The following ZNF423 variants were observed in gnomAD, a reference collection of about 807,000 sequenced individuals.
The protein encoded by ZNF423 is zinc finger protein 423.
Under a neutral mutation model 95.8 loss-of-function variants are expected in ZNF423, and 12 were observed. The ratio of observed to expected loss-of-function variants is 0.13; its 90% CI spans 0.08 to 0.20. The LOEUF is 0.20. Among genes scored for constraint, ZNF423 ranks in the 10% least tolerant of loss-of-function variants. ZNF423 has a pLI of 1.00. For synonymous variants in ZNF423, 749 were observed against 711.9 expected (o/e 1.05, Z -0.83); for missense variants, 1,316 against 1,737.1 (o/e 0.76, Z 4.31).
intron 2 of ZNF423, among the ~76,000 whole-genome samples, chr16:49,787,964 T>A (rs993880104): frequency 2.6e-5 from 4 of 152,228 alleles, no homozygotes; most frequent in African/African-American, 9.6e-5. Context: ...CGGCGCCTTA[T>A]GGCCTTGCTG....
chr16:49,547,473 T>C (rs1033482561), intron 5 of ZNF423, among the ~76,000 whole-genome samples: 5 of 152,182 alleles, frequency 3.3e-5, no homozygotes, highest in Non-Finnish European at 5.9e-5. Flanking sequence ...AGAAAAAAGA[T>C]GAAACCTGAA....
intron 2 of ZNF423, among the ~76,000 whole-genome samples, chr16:49,743,038 G>A (rs1157667279): frequency 6.6e-6 from 1 of 152,110 alleles, no homozygotes; most frequent in Non-Finnish European, 1.5e-5. Context: ...CCACAGAGAA[G>A]CAATTTTAAA....
chr16:49,565,905 G>A (rs1360622077), intron 5 of ZNF423, among the ~76,000 whole-genome samples: 1 of 151,906 alleles, frequency 6.6e-6, no homozygotes, highest in African/African-American at 2.4e-5. Context: ...GTTAAGAAAG[G>A]GAGAGGAAGG....
At chr16:49,523,768 A>T (rs1968497077) in intron 6 of ZNF423, 29 bp from the exon 7 acceptor site, 1 of 1,592,138 alleles carries the variant, frequency 6.3e-7, no homozygotes, top group African/African-American at 1.3e-5. Flanking sequence ...GTCAGGGCCA[A>T]GCTCAGGACA....
intron 3 of ZNF423, among the ~76,000 whole-genome samples, chr16:49,662,320 G>T (rs1391145900): frequency 2.0e-5 from 3 of 152,138 alleles, no homozygotes; most frequent in Non-Finnish European, 4.4e-5. Flanking sequence ...AGGAAGAAAT[G>T]ATCTCCTGAT....
intron 3 of ZNF423, among the ~76,000 whole-genome samples, chr16:49,689,445 C>A (rs573552080): frequency 2.6e-5 from 4 of 152,048 alleles, no homozygotes; most frequent in South Asian, 2.1e-4. Flanking sequence ...GAGAGAGAGA[C>A]CCTGCCTCAA....
At chr16:49,778,264 G>T (rs972837123) in intron 2 of ZNF423, among the ~76,000 whole-genome samples, 3 of 152,242 alleles carry the variant, frequency 2.0e-5, no homozygotes, top group Admixed American at 1.3e-4. Flanking sequence ...CAGCTGACAT[G>T]ACAGCAGCCT....
At chr16:49,596,557 G>A (rs1349091119) in intron 5 of ZNF423, among the ~76,000 whole-genome samples, 1 of 152,176 alleles carries the variant, frequency 6.6e-6, no homozygotes. Flanking sequence ...ATTGAGAGCA[G>A]GCGATTTTTC....
intron 1 of ZNF423, among the ~76,000 whole-genome samples, chr16:49,819,524 T>C (rs956090751): frequency 6.6e-6 from 1 of 151,966 alleles, no homozygotes; most frequent in Non-Finnish European, 1.5e-5. Flanking sequence ...CTCAGCTCAC[T>C]GCAACCTCCG....
chr16:49,617,394 A>G (rs751260709), intron 5 of ZNF423, among the ~76,000 whole-genome samples: 10 of 152,214 alleles, frequency 6.6e-5, no homozygotes, highest in Non-Finnish European at 1.3e-4. Context: ...GAAATTGCCC[A>G]TGCATCAGCT....
At chr16:49,837,747 C>T (rs574156750) in intron 1 of ZNF423, among the ~76,000 whole-genome samples, 147 of 152,328 alleles carry the variant, frequency 9.7e-4, no homozygotes, top group African/African-American at 3.5e-3. Context: ...CCTCCTTCCC[C>T]ACATGGGGCG....
At chr16:49,491,542 C>A (rs1039673467) in intron 7 of ZNF423, among the ~76,000 whole-genome samples, 2 of 111,242 alleles carry the variant, frequency 1.8e-5, no homozygotes, top group Non-Finnish European at 3.5e-5. Context: ...TGTTTTTTGG[C>A]TTTTTTTTTT....
intron 3 of ZNF423, among the ~76,000 whole-genome samples, chr16:49,682,559 C>A (rs1215023858): frequency 1.3e-5 from 2 of 152,196 alleles, no homozygotes; most frequent in Non-Finnish European, 2.9e-5. Context: ...TTGCATCTGG[C>A]CTGAACAGAA....
chr16:49,715,451 A>T (rs2032676545), intron 3 of ZNF423, among the ~76,000 whole-genome samples: 1 of 152,182 alleles, frequency 6.6e-6, no homozygotes, highest in Admixed American at 6.5e-5. Flanking sequence ...GCTCAAGAGG[A>T]GGAACTGAGG....
chr16:49,495,698 C>G (rs958471330), intron 7 of ZNF423, among the ~76,000 whole-genome samples: 3 of 152,168 alleles, frequency 2.0e-5, no homozygotes, highest in African/African-American at 7.2e-5. Context: ...CCGCCACACA[C>G]TAGAGGGAAT....
chr16:49,766,212 A>G (rs1159736862), intron 2 of ZNF423, among the ~76,000 whole-genome samples: 1 of 152,244 alleles, frequency 6.6e-6, no homozygotes. Flanking sequence ...CATAGGACCA[A>G]ATGCAATTCA....
At chr16:49,694,954 G>A (rs2031913137) in intron 3 of ZNF423, among the ~76,000 whole-genome samples, 1 of 152,222 alleles carries the variant, frequency 6.6e-6, no homozygotes, top group African/African-American at 2.4e-5. Flanking sequence ...ACCTAGTGAA[G>A]ACGTGAGAGT....
chr16:49,548,749 G>T (rs112209705), intron 5 of ZNF423, among the ~76,000 whole-genome samples: 1 of 152,186 alleles, frequency 6.6e-6, no homozygotes, highest in Non-Finnish European at 1.5e-5. Flanking sequence ...CAGGCAAGCC[G>T]TGCCTGAACC....
At chr16:49,699,079 A>G (rs993657418) in intron 3 of ZNF423, among the ~76,000 whole-genome samples, 1 of 152,242 alleles carries the variant, frequency 6.6e-6, no homozygotes, top group Non-Finnish European at 1.5e-5. Context: ...TTTAGTATCC[A>G]GCCGAAAACA....
Sources: allele counts gnomAD v4.1 joint callset (sites outside exome capture counted in the v4.1 genomes callset), GRCh38; gene constraint gnomAD v4.1.1; transcripts MANE v1.5; gene names NCBI Gene and HGNC (gene_info 2026-07-23, HGNC 2026-07-21).